The following SPIDR variants were observed in gnomAD, a reference collection of about 807,000 sequenced individuals.
The protein encoded by SPIDR is DNA repair-scaffolding protein.
Under a neutral mutation model 104.6 loss-of-function variants are expected in SPIDR, and 93 were observed. The observed-to-expected ratio is 0.89, with a 90% CI of 0.75 to 1.06. The LOEUF (loss-of-function observed/expected upper bound fraction) is 1.06. Among genes scored for constraint, SPIDR ranks in the 50% least tolerant of loss-of-function variants. The probability of loss-of-function intolerance (pLI) is 0.00; values close to 1 mark genes in which losing one functional copy is unlikely to be tolerated. For synonymous variants in SPIDR, 431 were observed against 416.9 expected (o/e 1.03, Z -0.41); for missense variants, 1,154 against 1,111.2 (o/e 1.04, Z -0.55).
intron 1 of SPIDR, among the ~76,000 whole-genome samples, chr8:47,263,711 G>A (rs1303021862): frequency 6.6e-6 from 1 of 151,972 alleles, no homozygotes; most frequent in African/African-American, 2.4e-5. Flanking sequence ...GTATGTTCTT[G>A]GTTTGGAATA....
intron 5 of SPIDR, 36 bp downstream of exon 5, chr8:47,294,066 T>C: frequency 1.9e-6 from 3 of 1,576,648 alleles, no homozygotes; most frequent in African/African-American, 1.4e-5. Flanking sequence ...TTATTCACTT[T>C]ATAACATTTG....
At chr8:47,691,052 G>A (rs2078565573) in intron 11 of SPIDR, among the ~76,000 whole-genome samples, 1 of 151,996 alleles carries the variant, frequency 6.6e-6, no homozygotes. Context: ...AGCACTTTTG[G>A]AGGCCGAGGA....
At chr8:47,352,244 T>C (rs1322766488) in intron 5 of SPIDR, among the ~76,000 whole-genome samples, 1 of 143,100 alleles carries the variant, frequency 7.0e-6, no homozygotes, top group Non-Finnish European at 1.5e-5. Context: ...GCTACTACAC[T>C]CCAGCCTGGT....
intron 14 of SPIDR, among the ~76,000 whole-genome samples, chr8:47,707,226 C>T (rs181980026): frequency 7.8e-4 from 114 of 147,090 alleles, no homozygotes; most frequent in Non-Finnish European, 1.3e-3. Context: ...GCACTCCAGC[C>T]TGGGTGACAG....
chr8:47,359,208 T>TGCAGTCC (rs1199346731), intron 5 of SPIDR, among the ~76,000 whole-genome samples: 2 of 147,710 alleles, frequency 1.4e-5, no homozygotes, highest in African/African-American at 5.0e-5. Context: ...ATTGCGCCAC[T>TGCAGTCC]GCAGTCCGCA....
chr8:47,371,162 AAACC>A (rs1476732201), intron 5 of SPIDR, among the ~76,000 whole-genome samples: 1 of 151,950 alleles, frequency 6.6e-6, no homozygotes, highest in Non-Finnish European at 1.5e-5. Flanking sequence ...AAAAAAAAGA[AAACC>A]ATTAAAGTAT....
intron 8 of SPIDR, among the ~76,000 whole-genome samples, chr8:47,478,199 G>A (rs1234488640): frequency 3.3e-5 from 5 of 152,186 alleles, no homozygotes; most frequent in African/African-American, 4.8e-5. Context: ...TGAATTGAGG[G>A]TGGGCTGGGC....
chr8:47,415,830 A>G (rs2064178960), intron 7 of SPIDR, among the ~76,000 whole-genome samples: 1 of 152,224 alleles, frequency 6.6e-6, no homozygotes, highest in Non-Finnish European at 1.5e-5. Flanking sequence ...TCATGTGACT[A>G]TCACATAGTC....
chr8:47,418,738 C>T (rs533899791), intron 7 of SPIDR, among the ~76,000 whole-genome samples: 14 of 152,186 alleles, frequency 9.2e-5, no homozygotes, highest in Admixed American at 2.0e-4. Flanking sequence ...CCATTCAGCA[C>T]GATACTGGCT....
At chr8:47,324,013 G>C (rs2047239634) in intron 5 of SPIDR, among the ~76,000 whole-genome samples, 1 of 152,088 alleles carries the variant, frequency 6.6e-6, no homozygotes, top group Admixed American at 6.5e-5. Flanking sequence ...AACCTTTACA[G>C]TGCTAAAAAG....
intron 10 of SPIDR, among the ~76,000 whole-genome samples, chr8:47,609,039 A>G (rs1054769003): frequency 2.0e-5 from 3 of 152,136 alleles, no homozygotes; most frequent in South Asian, 2.1e-4. Flanking sequence ...GCATCTTTTC[A>G]TAGGCTATTG....
rs1276627864 is a variant in SPIDR, at chr8:47,424,280, G to C, written c.878-16043G>C. 6.6e-5 allele frequency among the ~76,000 whole-genome samples: 10 copies of C among 152,148 alleles called. No individual in the cohort carries two copies. The East Asian group carries it at 1.9e-3, about 29-fold the overall frequency. ...TTTTCACAATATGTTTGATATCATA[G>C]TTTTTAAAACTAAAAGTAGTTACAA... On this transcript the variant is annotated intron_variant, in intron 7 of 19. Coordinates refer to ENST00000297423, the MANE Select transcript of SPIDR (RefSeq NM_001080394.4).
intron 5 of SPIDR, among the ~76,000 whole-genome samples, chr8:47,313,208 C>G (rs1289948957): frequency 1.3e-5 from 2 of 152,172 alleles, no homozygotes; most frequent in Non-Finnish European, 2.9e-5. Flanking sequence ...GCAACTTCAG[C>G]AAAGTCTCAG....
Position 47,565,971 on chromosome 8 carries a change from C to CATATATATATATAT in SPIDR, c.1098-29831_1098-29818dup, listed in dbSNP as rs1170408396. Among the ~76,000 whole-genome samples the CATATATATATATAT allele has an allele frequency of 9.8e-3, 407 of 41,394 alleles. 25 individuals carry two copies. The highest frequency in any genetic ancestry group is 0.014 in the East Asian group (8 of 558). The allele number at this position is 41,394 out of a possible 152,430, so 27.2% of individuals were successfully genotyped here. On this transcript the variant is annotated intron_variant, in intron 8 of 19. Transcript: ENST00000297423. Reference sequence around the variant, plus strand: ...TGGATAAGAATGTGATATTTATACTCATATATATATATATATATATATTTT... The same window carrying CATATATATATATAT: ...TGGATAAGAATGTGATATTTATACTCATATATATATATATATATATATATATATATATATATTTT...
intron 5 of SPIDR, among the ~76,000 whole-genome samples, chr8:47,369,619 C>T (rs1312988095): frequency 2.0e-5 from 3 of 152,172 alleles, no homozygotes; most frequent in Non-Finnish European, 4.4e-5. Flanking sequence ...GAAAGTCTAG[C>T]AGGAAGTCAC....
At chr8:47,536,625 A>G (rs980465332) in intron 8 of SPIDR, among the ~76,000 whole-genome samples, 4 of 152,224 alleles carry the variant, frequency 2.6e-5, no homozygotes, top group Admixed American at 6.5e-5. Flanking sequence ...AAAATAGATC[A>G]TAGACCTAAA....
rs565897724 is a variant in SPIDR, at chr8:47,264,916, T to C, written c.33+3925T>C. Reference sequence around the variant, plus strand: ...AGCAATTAATAATGAAACACCATGATAATTAAAGAAATCATATGAGGACAA... The same window carrying C: ...AGCAATTAATAATGAAACACCATGACAATTAAAGAAATCATATGAGGACAA... On this transcript the variant is annotated intron_variant, in intron 1 of 19. Coordinates refer to ENST00000297423, the MANE Select transcript of SPIDR (RefSeq NM_001080394.4). Among the ~76,000 whole-genome samples the C allele has an allele frequency of 2.8e-4, 42 of 152,326 alleles. No homozygotes were observed. The South Asian group carries it at 8.5e-3, about 31-fold the overall frequency.
At chr8:47,453,549 C>T (rs1554707692) in intron 8 of SPIDR, among the ~76,000 whole-genome samples, 1 of 152,130 alleles carries the variant, frequency 6.6e-6, no homozygotes, top group Admixed American at 6.5e-5. Context: ...ACAGAGCCCT[C>T]AGAAATAATA....
At chr8:47,299,515 C>T (rs1239417366) in intron 5 of SPIDR, among the ~76,000 whole-genome samples, 3 of 152,170 alleles carry the variant, frequency 2.0e-5, no homozygotes, top group Non-Finnish European at 4.4e-5. Context: ...GAGAGGGCAT[C>T]CCTGTCTTGT....
Sources: allele counts gnomAD v4.1 joint callset (sites outside exome capture counted in the v4.1 genomes callset), GRCh38; gene constraint gnomAD v4.1.1; transcripts MANE v1.5; gene names NCBI Gene and HGNC (gene_info 2026-07-23, HGNC 2026-07-21).